Variants in C10orf90 observed in about 807,000 individuals in gnomAD.
The protein encoded by C10orf90 is (E2-independent) E3 ubiquitin-conjugating enzyme FATS.
C10orf90 carries 56 observed loss-of-function variants against 62.5 expected under a neutral mutation model. That is an observed-to-expected ratio of 0.90 (90% CI 0.72 to 1.12). The LOEUF (loss-of-function observed/expected upper bound fraction) is 1.12, where lower values mean the gene tolerates loss of function less well. Among genes scored for constraint, C10orf90 ranks in the 50% most tolerant of loss-of-function variants. The pLI, the probability that C10orf90 is intolerant of heterozygous loss-of-function variation, is 0.00. For synonymous variants in C10orf90, 386 were observed against 340.4 expected, an observed-to-expected ratio of 1.13 and a Z score of -1.47; for missense variants, 970 against 880.4, an observed-to-expected ratio of 1.10 and a Z score of -1.29.
At chr10:126,435,820 A>G (rs1857880211) in intron 7 of C10orf90, among the ~76,000 whole-genome samples, 1 of 152,018 alleles carries the variant, frequency 6.6e-6, no homozygotes, top group Admixed American at 6.6e-5. Context: ...CGTGGTTTAC[A>G]GCTGTCTGCC....
At chr10:126,527,768 G>A (rs905807870) in intron 2 of C10orf90, among the ~76,000 whole-genome samples, 2 of 152,138 alleles carry the variant, frequency 1.3e-5, no homozygotes, top group Non-Finnish European at 2.9e-5. Flanking sequence ...CCCTTAGCAC[G>A]CTGCCTGGCA....
At chr10:126,441,122 G>C (rs761102245) in intron 7 of C10orf90, among the ~76,000 whole-genome samples, 96 of 151,988 alleles carry the variant, frequency 6.3e-4, no homozygotes, top group Non-Finnish European at 1.1e-3. Flanking sequence ...CCAGTGCAAG[G>C]AAACCCAAAA....
At chr10:126,473,769 C>G (rs149725007) in intron 4 of C10orf90, among the ~76,000 whole-genome samples, 1 of 152,014 alleles carries the variant, frequency 6.6e-6, no homozygotes, top group African/African-American at 2.4e-5. Context: ...TAGACAGATG[C>G]GTGGTAGCAT....
At chr10:126,529,505 T>A (rs1488307044) in intron 2 of C10orf90, among the ~76,000 whole-genome samples, 2 of 152,160 alleles carry the variant, frequency 1.3e-5, no homozygotes, top group Admixed American at 1.3e-4. Flanking sequence ...AAACTAATTT[T>A]AAAACCCCCC....
At chr10:126,438,920 T>C (rs4325235) in intron 7 of C10orf90, among the ~76,000 whole-genome samples, 106,467 of 151,388 alleles carry the variant, frequency 0.7, 37,873 homozygotes, top group East Asian at 0.91. Context: ...TCCATATGTA[T>C]CCATGCCCCA....
At chr10:126,584,987 GC>G (rs1177956225) in intron 2 of C10orf90, among the ~76,000 whole-genome samples, 2 of 151,902 alleles carry the variant, frequency 1.3e-5, no homozygotes, top group African/African-American at 4.8e-5. Context: ...CCAATGCTCA[GC>G]CCCTGCAGAG....
At chr10:126,532,965 C>G (rs1390950199) in intron 2 of C10orf90, among the ~76,000 whole-genome samples, 2 of 150,544 alleles carry the variant, frequency 1.3e-5, no homozygotes, top group Non-Finnish European at 2.9e-5. Context: ...CGGAGTCTCG[C>G]TCTGTCGCCC....
At chr10:126,534,823 T>C (rs1043367157) in intron 2 of C10orf90, among the ~76,000 whole-genome samples, 9 of 152,218 alleles carry the variant, frequency 5.9e-5, no homozygotes, top group African/African-American at 1.9e-4. Flanking sequence ...AGTGGGAAGA[T>C]GGTGCTGCCT....
At chr10:126,579,003 T>A (rs556824869) in intron 2 of C10orf90, among the ~76,000 whole-genome samples, 1 of 152,212 alleles carries the variant, frequency 6.6e-6, no homozygotes, top group African/African-American at 2.4e-5. Flanking sequence ...TGAAAACTCA[T>A]GAGACTGTAC....
chr10:126,488,902 C>T (rs1861572591), intron 4 of C10orf90, among the ~76,000 whole-genome samples: 1 of 151,972 alleles, frequency 6.6e-6, no homozygotes, highest in Non-Finnish European at 1.5e-5. Context: ...AAAACCTTTC[C>T]CACAGAGAAA....
Position 126,661,481 on chromosome 10 carries a change from T to A in C10orf90, c.240+8760A>T, listed in dbSNP as rs73370882. Among the ~76,000 whole-genome samples, 505 of 152,330 alleles carry A rather than the reference T, an allele frequency of 3.3e-3. 3 individuals are homozygous for A. Among genetic ancestry groups the A allele is most frequent in the African/African-American group, 0.012 (490 of 41,582 alleles). Reference sequence around the variant, plus strand: ...CAGTCTCGACCCAGTGCTCTTTCTCTTAATCACACCACCACCTGTCATCTG... The same window carrying A: ...CAGTCTCGACCCAGTGCTCTTTCTCATAATCACACCACCACCTGTCATCTG... On this transcript the variant is annotated intron_variant, in intron 1 of 9. Transcript: ENST00000488181.
intron 4 of C10orf90, among the ~76,000 whole-genome samples, chr10:126,482,824 G>A (rs745508483): frequency 2.0e-5 from 3 of 152,338 alleles, no homozygotes; most frequent in South Asian, 4.1e-4. Flanking sequence ...GAGGTTAGAA[G>A]AGGAGTGTGC....
intron 2 of C10orf90, among the ~76,000 whole-genome samples, chr10:126,516,533 C>G (rs917084062): frequency 2.0e-5 from 3 of 152,156 alleles, no homozygotes; most frequent in African/African-American, 7.2e-5. Flanking sequence ...CAGAGGGTTA[C>G]TGAAAGAAAT....
intron 2 of C10orf90, among the ~76,000 whole-genome samples, chr10:126,633,640 C>G (rs1432288015): frequency 6.6e-6 from 1 of 152,200 alleles, no homozygotes; most frequent in Non-Finnish European, 1.5e-5. Context: ...GTCCGACTTC[C>G]TGGGATGGCA....
intron 2 of C10orf90, among the ~76,000 whole-genome samples, chr10:126,526,594 C>G (rs965679249): frequency 1.3e-5 from 2 of 152,092 alleles, no homozygotes; most frequent in African/African-American, 2.4e-5. Context: ...ACAAGCCATA[C>G]AGTTTACCCT....
At chr10:126,497,138 C>T (rs895086334) in intron 4 of C10orf90, among the ~76,000 whole-genome samples, 2 of 152,150 alleles carry the variant, frequency 1.3e-5, no homozygotes, top group Non-Finnish European at 2.9e-5. Context: ...CAGGAGGTGC[C>T]AGGGCCCTGC....
intron 2 of C10orf90, among the ~76,000 whole-genome samples, chr10:126,618,955 A>G (rs1845593739): frequency 6.6e-6 from 1 of 152,214 alleles, no homozygotes; most frequent in African/African-American, 2.4e-5. Flanking sequence ...GGCTGGATAA[A>G]TAAAATGTGG....
intron 2 of C10orf90, among the ~76,000 whole-genome samples, chr10:126,532,628 G>T (rs1864123438): frequency 6.6e-6 from 1 of 151,478 alleles, no homozygotes; most frequent in Non-Finnish European, 1.5e-5. Context: ...ACGAGGTCAG[G>T]AAATCGAGAC....
chr10:126,536,156 C>T (rs1864230133), intron 2 of C10orf90, among the ~76,000 whole-genome samples: 1 of 152,210 alleles, frequency 6.6e-6, no homozygotes, highest in African/African-American at 2.4e-5. Context: ...ACAATCAGCT[C>T]TGCCATTGGA....
Sources: allele counts gnomAD v4.1 joint callset (sites outside exome capture counted in the v4.1 genomes callset), GRCh38; gene constraint gnomAD v4.1.1; transcripts MANE v1.5; gene names NCBI Gene and HGNC (gene_info 2026-07-23, HGNC 2026-07-21).